CLIP4: variants seen among roughly 807,000 people sequenced by gnomAD.
CLIP4 encodes the protein CAP-Gly domain containing linker protein family member 4.
Under a neutral mutation model 73.1 loss-of-function variants are expected in CLIP4, and 47 were observed. The ratio of observed to expected loss-of-function variants is 0.64; its 90% CI spans 0.51 to 0.82. The LOEUF is 0.82. CLIP4 is among the 40% of genes least tolerant of loss of function. The pLI, the probability that CLIP4 is intolerant of heterozygous loss-of-function variation, is 0.00. For synonymous variants in CLIP4, 306 were observed against 295.4 expected, an observed-to-expected ratio of 1.04 and a Z score of -0.37; for missense variants, 874 against 852.9, an observed-to-expected ratio of 1.02 and a Z score of -0.31.
chr2:29,156,875 A>AAG (rs1666960472), intron 10 of CLIP4, among the ~76,000 whole-genome samples: 1 of 151,722 alleles, frequency 6.6e-6, no homozygotes, highest in Non-Finnish European at 1.5e-5. Flanking sequence ...TTTTGTATAA[A>AAG]AGGGGACTCT....
At chr2:29,101,844 C>T (rs1445417928) in intron 1 of CLIP4, among the ~76,000 whole-genome samples, 3 of 152,160 alleles carry the variant, frequency 2.0e-5, no homozygotes, top group African/African-American at 4.8e-5. Context: ...TACTCTGCAC[C>T]GTTTGCTTCT....
chr2:29,182,152 G>T lies in CLIP4; in HGVS notation c.*259G>T. 1 of 286,138 alleles carries T rather than the reference G, an allele frequency of 3.5e-6. No homozygotes were observed. The highest frequency in any genetic ancestry group is 6.4e-6 in the Non-Finnish European group (1 of 155,692). The allele number at this position is 286,138 out of a possible 1,614,324, so 17.7% of individuals were successfully genotyped here. ...CCAAGAAGATTCTGGGACTCAGGAA[G>T]AAAAAGTGCCATCAGGTGACCAGCT... On this transcript the variant is annotated 3_prime_UTR_variant, in exon 16 of 16. Transcript: ENST00000320081.
At position 29,136,188 on chromosome 2, in the gene CLIP4, G is replaced by GT. The variant is rs549028917; in HGVS notation, c.648+533dup. On this transcript the variant is annotated intron_variant, in intron 6 of 15. Transcript: ENST00000320081. The stretch of plus-strand genomic sequence containing the variant: ...AGTCTTCAGATCATTTGTTGTTGTT[G>GT]TTTTTTTTTTTCAGAAAGTGTTCTG... Among the ~76,000 whole-genome samples, 244 of 144,088 alleles carry GT rather than the reference G, an allele frequency of 1.7e-3. 2 individuals carry two copies. Among genetic ancestry groups the GT allele is most frequent in the South Asian group, 3.1e-3 (14 of 4,524 alleles). The allele number at this position is 144,088 out of a possible 152,430, so 94.5% of individuals were successfully genotyped here.
chr2:29,125,577 C>G (rs768117597), intron 2 of CLIP4, among the ~76,000 whole-genome samples: 11 of 152,272 alleles, frequency 7.2e-5, no homozygotes, highest in Admixed American at 2.6e-4. Flanking sequence ...TCTGTCTCCT[C>G]AACTCAGCGA....
chr2:29,148,405 C>G (rs906779332), intron 8 of CLIP4, among the ~76,000 whole-genome samples: 2 of 152,068 alleles, frequency 1.3e-5, no homozygotes, highest in South Asian at 4.1e-4. Context: ...TCTGTTAATT[C>G]TCATACCTAT....
intron 15 of CLIP4, 95 bp from the exon 16 acceptor site, chr2:29,181,477 A>G: frequency 9.7e-7 from 1 of 1,026,950 alleles, no homozygotes; most frequent in Non-Finnish European, 1.4e-6. Context: ...AACTGAGTGA[A>G]TGAATTCTGA....
At chr2:29,168,658 C>G (rs1159681144) in intron 14 of CLIP4, among the ~76,000 whole-genome samples, 1 of 150,886 alleles carries the variant, frequency 6.6e-6, no homozygotes, top group Admixed American at 6.6e-5. Context: ...AAGTAGCTGG[C>G]ACTACAAGCA....
chr2:29,178,551 A>G (rs541227620), intron 15 of CLIP4, among the ~76,000 whole-genome samples: 3 of 152,238 alleles, frequency 2.0e-5, no homozygotes, highest in Middle Eastern at 3.4e-3. Flanking sequence ...TTTCCCCTGT[A>G]TATCGTGCTC....
Position 29,121,395 on chromosome 2 carries a change from A to T in CLIP4, c.7A>T (p.Ile3Leu), listed in dbSNP as rs1664239378. The T allele has an allele frequency of 6.2e-7, 1 of 1,613,046 alleles. No homozygotes were observed. The highest frequency in any genetic ancestry group is 1.3e-5 in the African/African-American group (1 of 74,872). The change falls in exon 2 of 16, where the codon ATA becomes TTA. Residue 3 changes from isoleucine to leucine, a missense_variant. Physicochemically the swap from Ile to Leu is conservative, Grantham distance 5. Coordinates refer to ENST00000320081, the MANE Select transcript of CLIP4 (RefSeq NM_024692.6). ...ATAGGTGGCTTTCTAGAAGATGACC[A>T]TAGAGGACCTTCCAGATTTTCCATT... The part of the protein sequence containing the change: MT[I>L]EDLPDFPLEG...
At chr2:29,154,459 G>T (rs1334991826) in intron 9 of CLIP4, among the ~76,000 whole-genome samples, 1 of 152,198 alleles carries the variant, frequency 6.6e-6, no homozygotes, top group Non-Finnish European at 1.5e-5. Context: ...TCTGACCAGA[G>T]AAACTTTGGT....
chr2:29,131,514 T>C, intron 3 of CLIP4, 117 bp downstream of exon 3: 3 of 1,081,768 alleles, frequency 2.8e-6, no homozygotes, highest in Non-Finnish European at 3.9e-6. Context: ...AGTTCTGATA[T>C]TTATTTGTAT....
chr2:29,117,230 G>A lies in CLIP4; in HGVS notation c.-16+1565G>A, dbSNP rs373849388. The stretch of plus-strand genomic sequence containing the variant: ...TGTTCTTTTTGCATTACCCAATATG[G>A]TAGCACTAGCCACATATAGCTTTTG... On this transcript the variant is annotated intron_variant, in intron 1 of 15. Coordinates refer to ENST00000320081, the MANE Select transcript of CLIP4 (RefSeq NM_024692.6). Among the ~76,000 whole-genome samples, 16 of 152,298 alleles carry A rather than the reference G, an allele frequency of 1.1e-4. 1 individual carries two copies. Among genetic ancestry groups the A allele is most frequent in the African/African-American group, 2.9e-4 (12 of 41,560 alleles).
At position 29,163,861 on chromosome 2, in the gene CLIP4, C is replaced by G. The variant is rs138421018; in HGVS notation, c.1565C>G (p.Pro522Arg). The G allele has an allele frequency of 1.5e-3, 2,463 of 1,613,478 alleles. 6 individuals are homozygous for G. Among genetic ancestry groups the G allele is most frequent in the Non-Finnish European group, 1.8e-3 (2,174 of 1,179,566 alleles). The change falls in exon 13 of 16, where the codon CCC becomes CGC. Residue 522 changes from proline to arginine, a missense_variant. Pro to Arg is a moderately radical substitution (Grantham distance 103). Coordinates refer to ENST00000320081, the MANE Select transcript of CLIP4 (RefSeq NM_024692.6). ...GYWYGIELEK[P>R]HGKNDGSVGG... is the part of the protein sequence containing the mutation. ...TGGTATGGTATAGAGCTTGAAAAAC[C>G]CCATGGCAAGAATGATGGTTCAGTT...
rs147278952 is a variant in CLIP4, at chr2:29,181,726, G to C, written c.1951G>C (p.Gly651Arg). Residue 651 changes from glycine to arginine, a missense_variant, in exon 16 of 16, where the codon GGT becomes CGT. Physicochemically the swap from Gly to Arg is moderately radical, Grantham distance 125. Coordinates refer to ENST00000320081, the MANE Select transcript of CLIP4 (RefSeq NM_024692.6). ...TGTGGGCCCCACTGACTTTGCTTCA[G>C]GTATCTGGCTTGGACTTGAGCTCCG... Reference protein sequence around the residue: ...RYVGPTDFASGIWLGLELRSA... With the variant: ...RYVGPTDFASRIWLGLELRSA... The C allele has an allele frequency of 8.1e-6, 13 of 1,614,154 alleles. No individual in the cohort carries two copies. Among genetic ancestry groups the C allele is most frequent in the Non-Finnish European group, 1.1e-5 (13 of 1,180,022 alleles).
chr2:29,102,118 G>T (rs1347064626), intron 1 of CLIP4, among the ~76,000 whole-genome samples: 2 of 152,048 alleles, frequency 1.3e-5, no homozygotes, highest in Non-Finnish European at 2.9e-5. Context: ...AACCCTGTGG[G>T]GTCTCTAAGA....
chr2:29,135,130 G>T (rs1383100153), intron 5 of CLIP4, among the ~76,000 whole-genome samples: 1 of 152,120 alleles, frequency 6.6e-6, no homozygotes, highest in Non-Finnish European at 1.5e-5. Context: ...ATAAAAACAG[G>T]TGGGCTGGAT....
chr2:29,147,611 G>A (rs1431753075), intron 8 of CLIP4, among the ~76,000 whole-genome samples: 1 of 151,772 alleles, frequency 6.6e-6, no homozygotes, highest in African/African-American at 2.4e-5. Flanking sequence ...CCTATTTATG[G>A]GGTACAGAAT....
At chr2:29,158,360 T>C (rs887213075) in intron 11 of CLIP4, among the ~76,000 whole-genome samples, 6 of 111,714 alleles carry the variant, frequency 5.4e-5, no homozygotes, top group African/African-American at 1.8e-4. Flanking sequence ...TATACATGGG[T>C]ATGGAATTAC....
chr2:29,153,806 C>G (rs1666741160), intron 9 of CLIP4, among the ~76,000 whole-genome samples: 1 of 152,138 alleles, frequency 6.6e-6, no homozygotes, highest in South Asian at 2.1e-4. Flanking sequence ...ATACTGCACT[C>G]CATAATAAGT....
Sources: allele counts gnomAD v4.1 joint callset (sites outside exome capture counted in the v4.1 genomes callset), GRCh38; gene constraint gnomAD v4.1.1; transcripts MANE v1.5; gene names NCBI Gene and HGNC (gene_info 2026-07-23, HGNC 2026-07-21).